GNPNAT1: variants seen among roughly 807,000 people sequenced by gnomAD.
GNPNAT1 encodes glucosamine 6-phosphate N-acetyltransferase.
In GNPNAT1, 11 loss-of-function variants were observed where a neutral mutation model predicts 19.8. The observed-to-expected ratio is 0.56, with a 90% CI of 0.35 to 0.92. GNPNAT1 has a LOEUF of 0.92. Ranked by LOEUF, GNPNAT1 falls within the 40% of genes least tolerant of loss-of-function variation. GNPNAT1 has a pLI of 0.01. For missense variants in GNPNAT1, 157 were observed against 211.0 expected, an observed-to-expected ratio of 0.74 and a Z score of 1.59; for synonymous variants, 71 against 72.3, an observed-to-expected ratio of 0.98 and a Z score of 0.09.
At chr14:52,790,844 C>T (rs1299037651) in intron 1 of GNPNAT1, among the ~76,000 whole-genome samples, 2 of 152,194 alleles carry the variant, frequency 1.3e-5, no homozygotes, top group African/African-American at 4.8e-5. Flanking sequence ...CTTACATAAA[C>T]ATCAGCTCCC....
At chr14:52,783,535 A>G in intron 2 of GNPNAT1, 50 bp from the exon 3 acceptor site, 1 of 1,238,928 alleles carries the variant, frequency 8.1e-7, no homozygotes, top group Admixed American at 1.7e-5. Context: ...AAAGGAAGAC[A>G]GTATGAAAAT....
chr14:52,785,102 ATTTTT>A (rs1381264824), intron 1 of GNPNAT1, among the ~76,000 whole-genome samples: 4 of 151,368 alleles, frequency 2.6e-5, no homozygotes, highest in African/African-American at 7.3e-5. Context: ...ATTTTTTTGT[ATTTTT>A]AATAGAGACG....
intron 5 of GNPNAT1, among the ~76,000 whole-genome samples, chr14:52,780,313 G>A (rs181051543): frequency 6.6e-6 from 1 of 152,254 alleles, no homozygotes; most frequent in East Asian, 1.9e-4. Flanking sequence ...TACAACTTAT[G>A]AGAATGAGAG....
rs1246842542 is a variant in GNPNAT1, at chr14:52,776,879, T to TGCACCCG, written c.*1431_*1432insCGGGTGC. 6.6e-6 allele frequency: 1 copy of TGCACCCG among 152,216 alleles called. No homozygotes were observed. The highest frequency in any genetic ancestry group is 1.9e-4 in the East Asian group (1 of 5,196). The allele number at this position is 152,216 out of a possible 1,614,324, so 9.4% of individuals were successfully genotyped here. On this transcript the variant is annotated 3_prime_UTR_variant, in exon 6 of 6. Coordinates refer to ENST00000216410, the MANE Select transcript of GNPNAT1 (RefSeq NM_198066.4). ...CTTACCAGGCTAATTTTTAAAAACA[T>TGCACCCG]GCGTTTTTAATTACCAGGATTTACC...
rs1251371833 is a variant in GNPNAT1 at position 52,775,792 on chromosome 14, G to C, written c.*2519C>G. On this transcript the variant is annotated 3_prime_UTR_variant, in exon 6 of 6. Coordinates refer to ENST00000216410, the MANE Select transcript of GNPNAT1 (RefSeq NM_198066.4). Reference sequence around the variant, plus strand: ...AGCTACTGGGGAGGCTGAGGCAGGAGGGATGGCTTGAACCCAGGAACTGGA... The same window carrying C: ...AGCTACTGGGGAGGCTGAGGCAGGACGGATGGCTTGAACCCAGGAACTGGA... The C allele has an allele frequency of 6.6e-6, 1 of 152,288 alleles. No homozygotes were observed. Among genetic ancestry groups the C allele is most frequent in the Non-Finnish European group, 1.5e-5 (1 of 68,350 alleles). 9.4% of individuals were successfully genotyped at this position (152,288 alleles called of 1,614,324 possible).
chr14:52,785,707 G>T (rs1363531791), intron 1 of GNPNAT1, among the ~76,000 whole-genome samples: 1 of 151,084 alleles, frequency 6.6e-6, no homozygotes, highest in East Asian at 2.0e-4. Context: ...CCTGGGCAAT[G>T]TAAGAGTGAA....
In GNPNAT1 at chr14:52,784,658, G is replaced by C; in HGVS notation, c.-8C>G. The C allele has an allele frequency of 6.8e-7, 1 of 1,470,302 alleles. No individual in the cohort carries two copies. Among genetic ancestry groups the C allele is most frequent in the Non-Finnish European group, 9.2e-7 (1 of 1,083,496 alleles). 91.1% of individuals were successfully genotyped at this position (1,470,302 alleles called of 1,614,324 possible). A position where few individuals can be genotyped will look rare whatever the true frequency, so the allele number is the denominator to read the frequency against. Reference sequence around the variant, plus strand: ...AGTTTCATCAGGTTTCATTTTTCTAGTAAGGTCTAAAATAAAAATTTGAAT... The same window carrying C: ...AGTTTCATCAGGTTTCATTTTTCTACTAAGGTCTAAAATAAAAATTTGAAT... On this transcript the variant is annotated 5_prime_UTR_variant, in exon 2 of 6. Coordinates refer to ENST00000216410, the MANE Select transcript of GNPNAT1 (RefSeq NM_198066.4).
Position 52,780,702 on chromosome 14 carries a change from G to A in GNPNAT1, c.384C>T (p.Cys128=), listed in dbSNP as rs750716573. Residue 128 remains cysteine (C), a synonymous_variant, in exon 5 of 6, where the codon TGC becomes TGT. Coordinates refer to ENST00000216410, the MANE Select transcript of GNPNAT1 (RefSeq NM_198066.4). ...ACAATTTGCCAAGCTGCTTTCCTCT[G>A]CATTCATCACTAACAACAACATCTT... ...RVEDVVVSDE[C]RGKQLGKLLL... is the part of the protein sequence containing the mutation. 4 of 1,606,604 alleles carry A rather than the reference G, an allele frequency of 2.5e-6. No homozygotes were observed. Among genetic ancestry groups the A allele is most frequent in the Non-Finnish European group, 3.4e-6 (4 of 1,173,912 alleles).
At chr14:52,787,754 C>G (rs976610902) in intron 1 of GNPNAT1, 2 of 152,118 alleles carry the variant, frequency 1.3e-5, no homozygotes, top group Admixed American at 6.5e-5. Flanking sequence ...TGGAATACTG[C>G]AAGTACTTAA....
In GNPNAT1 at chr14:52,777,419, G is replaced by A. The variant is rs185534822; in HGVS notation, c.*892C>T. On this transcript the variant is annotated 3_prime_UTR_variant, in exon 6 of 6. Coordinates refer to ENST00000216410, the MANE Select transcript of GNPNAT1 (RefSeq NM_198066.4). The stretch of plus-strand genomic sequence containing the variant: ...CAAAAAGCTTCCATTAACATTTTAT[G>A]AATTTGGCAATCTAGTACAATACAT... 1 of 152,140 alleles carries A rather than the reference G, an allele frequency of 6.6e-6. No individual in the cohort carries two copies. The highest frequency in any genetic ancestry group is 1.5e-5 in the Non-Finnish European group (1 of 68,012). 9.4% of individuals were successfully genotyped at this position (152,140 alleles called of 1,614,324 possible).
At position 52,776,305 on chromosome 14, in the gene GNPNAT1, C is replaced by T. The variant is rs1215365766; in HGVS notation, c.*2006G>A. ...AGCACTTTTTTCATATTTACATTTACTCACCATATGGCTTCAAAAATCATA... is the reference window on the plus strand; with the variant it reads ...AGCACTTTTTTCATATTTACATTTATTCACCATATGGCTTCAAAAATCATA... On this transcript the variant is annotated 3_prime_UTR_variant, in exon 6 of 6. Coordinates refer to ENST00000216410, the MANE Select transcript of GNPNAT1 (RefSeq NM_198066.4). The T allele has an allele frequency of 6.6e-6, 1 of 152,074 alleles. No individual in the cohort carries two copies. Among genetic ancestry groups the T allele is most frequent in the Non-Finnish European group, 1.5e-5 (1 of 68,022 alleles). The allele number at this position is 152,074 out of a possible 1,614,324, so 9.4% of individuals were successfully genotyped here.
chr14:52,788,125 T>C (rs1350809671), intron 1 of GNPNAT1, among the ~76,000 whole-genome samples: 2 of 151,716 alleles, frequency 1.3e-5, no homozygotes, highest in East Asian at 2.0e-4. Flanking sequence ...TTTTTTGTTT[T>C]GTTTTATTGT....
intron 5 of GNPNAT1, 98 bp from the exon 6 acceptor site, chr14:52,778,556 C>T: frequency 9.5e-7 from 1 of 1,057,568 alleles, no homozygotes; most frequent in Non-Finnish European, 1.4e-6. Flanking sequence ...CTTAAGTTTC[C>T]TTAGAAACAG....
intron 1 of GNPNAT1, among the ~76,000 whole-genome samples, chr14:52,790,916 C>CA (rs1454671413): frequency 6.6e-6 from 1 of 152,182 alleles, no homozygotes; most frequent in Non-Finnish European, 1.5e-5. Flanking sequence ...GAAAAAGAGA[C>CA]AAAGAATGTC....
At chr14:52,789,816 CT>C (rs1013110886) in intron 1 of GNPNAT1, among the ~76,000 whole-genome samples, 1 of 152,042 alleles carries the variant, frequency 6.6e-6, no homozygotes, top group African/African-American at 2.4e-5. Flanking sequence ...TTTAGATGAA[CT>C]TTAAACACTA....
At chr14:52,786,120 A>AT (rs562851651) in intron 1 of GNPNAT1, among the ~76,000 whole-genome samples, 410 of 142,870 alleles carry the variant, frequency 2.9e-3, no homozygotes, top group Middle Eastern at 7.2e-3. Context: ...GCTCAAATTA[A>AT]TTTTTTTTTT....
intron 4 of GNPNAT1, among the ~76,000 whole-genome samples, chr14:52,781,558 G>A (rs1882895239): frequency 6.6e-6 from 1 of 151,710 alleles, no homozygotes. Context: ...CTGCTAAGTT[G>A]TTTGGTTTCT....
intron 5 of GNPNAT1, among the ~76,000 whole-genome samples, chr14:52,779,625 CGA>C (rs1440425384): frequency 1.4e-5 from 2 of 140,122 alleles, no homozygotes; most frequent in East Asian, 4.6e-4. Context: ...GAGGCTGAGG[CGA>C]GAGGCTCACT....
rs187775621 is a variant in GNPNAT1 at position 52,777,789 on chromosome 14, G to A, written c.*522C>T. 6.6e-6 allele frequency: 1 copy of A among 152,160 alleles called. No individual in the cohort carries two copies. The highest frequency in any genetic ancestry group is 2.4e-5 in the African/African-American group (1 of 41,522). The allele number at this position is 152,160 out of a possible 1,614,324, so 9.4% of individuals were successfully genotyped here. On this transcript the variant is annotated 3_prime_UTR_variant, in exon 6 of 6. Coordinates refer to ENST00000216410, the MANE Select transcript of GNPNAT1 (RefSeq NM_198066.4). Reference sequence around the variant, plus strand: ...TGACCAGGTTGTTTGCCTGTATTGGGATCAACGAATGTTGGACTATACTAT... The same window carrying A: ...TGACCAGGTTGTTTGCCTGTATTGGAATCAACGAATGTTGGACTATACTAT...
Sources: gnomAD v4.1 joint callset for allele counts (sites outside exome capture counted in the v4.1 genomes callset) on GRCh38, gnomAD v4.1.1 for gene constraint, MANE v1.5 for transcripts, NCBI Gene and HGNC (gene_info 2026-07-23, HGNC 2026-07-21) for gene names.